Variants in RTN3 observed in about 807,000 individuals in gnomAD.
The protein encoded by RTN3 is reticulon-3.
A neutral mutation model predicts 77.8 loss-of-function variants in RTN3; 49 were observed. That is an observed-to-expected ratio of 0.63 (90% CI 0.50 to 0.80). The LOEUF is 0.80. Ranked by LOEUF, RTN3 falls within the 30% of genes least tolerant of loss-of-function variation. RTN3 has a pLI of 0.00. For missense variants in RTN3, 1,236 were observed against 1,211.9 expected (o/e 1.02, Z -0.29); for synonymous variants, 464 against 446.9 (o/e 1.04, Z -0.48).
rs993861628 is a variant in RTN3 at position 63,720,452 on chromosome 11, C to T, written c.1950C>T (p.Ser650=). 1 of 1,612,608 alleles carries T rather than the reference C, an allele frequency of 6.2e-7. No individual in the cohort carries two copies. The highest frequency in any genetic ancestry group is 8.5e-7 in the Non-Finnish European group (1 of 1,179,258). The change falls in exon 3 of 9, where the codon TCC becomes TCT. Residue 650 remains serine (S), a synonymous_variant. Transcript: ENST00000377819. ...ATGTTAAACATATAGATGATTCCTC[C>T]CCAGAGGACCTGATAGCAGCCTTTA... ...GKNVKHIDDS[S]PEDLIAAFTE...
At chr11:63,748,036 C>T (rs940917824) in intron 3 of RTN3, among the ~76,000 whole-genome samples, 1 of 151,792 alleles carries the variant, frequency 6.6e-6, no homozygotes, top group Non-Finnish European at 1.5e-5. Flanking sequence ...ATGGCAGCCA[C>T]GTGCAGAGGC....
chr11:63,728,625 C>T (rs1056875704), intron 3 of RTN3, among the ~76,000 whole-genome samples: 1 of 152,156 alleles, frequency 6.6e-6, no homozygotes, highest in Admixed American at 6.5e-5. Context: ...CGCGGTGGCT[C>T]ACGCCTGTAA....
At chr11:63,713,910 G>A in intron 2 of RTN3, 1 of 460,432 alleles carries the variant, frequency 2.2e-6, no homozygotes, top group South Asian at 1.6e-5. Context: ...GCTTTACAGT[G>A]TATAGTATTT....
intron 1 of RTN3, among the ~76,000 whole-genome samples, chr11:63,691,334 T>A (rs1172667441): frequency 6.6e-6 from 1 of 152,088 alleles, no homozygotes; most frequent in Non-Finnish European, 1.5e-5. Context: ...TTGGTCAGGC[T>A]GGTCTTGAAC....
chr11:63,733,553 T>G (rs1448580496), intron 3 of RTN3, among the ~76,000 whole-genome samples: 1 of 151,530 alleles, frequency 6.6e-6, no homozygotes, highest in Non-Finnish European at 1.5e-5. Context: ...AACTATGGCA[T>G]AAGTTCAGTT....
chr11:63,753,713 G>A lies in RTN3; in HGVS notation c.2994+5G>A, dbSNP rs763334362. ...ATTGTCTATGAGAAGTACAAGGTAAGCATTTATCTGTTCCAAATCAAATGT... is the reference window on the plus strand; with the variant it reads ...ATTGTCTATGAGAAGTACAAGGTAAACATTTATCTGTTCCAAATCAAATGT... On this transcript the variant is annotated splice_donor_5th_base_variant and intron_variant, in intron 7 of 8. Transcript: ENST00000377819. The A allele has an allele frequency of 1.2e-6, 2 of 1,612,448 alleles. No homozygotes were observed. The highest frequency in any genetic ancestry group is 1.7e-6 in the Non-Finnish European group (2 of 1,178,628).
At chr11:63,740,069 C>G (rs1272877470) in intron 3 of RTN3, among the ~76,000 whole-genome samples, 3 of 152,098 alleles carry the variant, frequency 2.0e-5, no homozygotes, top group Non-Finnish European at 4.4e-5. Flanking sequence ...TGATAACTCC[C>G]AAATCTATAC....
intron 1 of RTN3, among the ~76,000 whole-genome samples, chr11:63,690,336 T>C (rs1471776786): frequency 6.6e-6 from 1 of 152,228 alleles, no homozygotes; most frequent in Non-Finnish European, 1.5e-5. Context: ...TGTGTACTGC[T>C]TTATGATTTA....
chr11:63,752,777 G>C, intron 5 of RTN3, 132 bp downstream of exon 5: 1 of 946,646 alleles, frequency 1.1e-6, no homozygotes, highest in Non-Finnish European at 1.6e-6. Flanking sequence ...ATTCTATAAT[G>C]GGATAGGTGT....
rs1489676078 is a variant in RTN3 at position 63,759,045 on chromosome 11, A to G, written c.*844A>G. The G allele has an allele frequency of 1.3e-5, 2 of 152,202 alleles. No individual in the cohort carries two copies. Among genetic ancestry groups the G allele is most frequent in the African/African-American group, 4.8e-5 (2 of 41,450 alleles). The allele number at this position is 152,202 out of a possible 1,614,324, so 9.4% of individuals were successfully genotyped here. On this transcript the variant is annotated 3_prime_UTR_variant, in exon 9 of 9. Coordinates refer to ENST00000377819, the MANE Select transcript of RTN3 (RefSeq NM_001265589.2). The stretch of plus-strand genomic sequence containing the variant: ...TAAATAAGGTTGTACTTTTCTTACT[A>G]TAAAATAAATGTCTGTAACTGCTGT...
intron 1 of RTN3, among the ~76,000 whole-genome samples, chr11:63,693,484 C>T (rs1412202970): frequency 1.4e-5 from 2 of 144,236 alleles, no homozygotes; most frequent in African/African-American, 5.1e-5. Flanking sequence ...AACTCCATCT[C>T]AAAAAAAAAA....
At chr11:63,729,444 TTTTTTTTTTTTTTTTG>T (rs926553305) in intron 3 of RTN3, among the ~76,000 whole-genome samples, 13 of 122,728 alleles carry the variant, frequency 1.1e-4, no homozygotes, top group African/African-American at 4.2e-4. Flanking sequence ...TGCTTTTTTT[TTTTTTTTTTTTTTTTG>T]TTTGTTTGAG....
intron 1 of RTN3, among the ~76,000 whole-genome samples, chr11:63,697,542 A>G (rs1324827931): frequency 6.6e-6 from 1 of 151,772 alleles, no homozygotes; most frequent in African/African-American, 2.4e-5. Context: ...ATGGTGCGAT[A>G]CTGGCTCACT....
At chr11:63,701,738 G>A (rs1942247744) in intron 1 of RTN3, among the ~76,000 whole-genome samples, 1 of 152,108 alleles carries the variant, frequency 6.6e-6, no homozygotes, top group Non-Finnish European at 1.5e-5. Flanking sequence ...TTGAGCCCAG[G>A]AGTTCAAGAC....
chr11:63,696,924 G>A (rs1214821858), intron 1 of RTN3, among the ~76,000 whole-genome samples: 3 of 107,274 alleles, frequency 2.8e-5, no homozygotes, highest in East Asian at 3.2e-4. Flanking sequence ...TTGCTCTGTC[G>A]CCCAGGCTGG....
chr11:63,730,061 G>A (rs2012584206), intron 3 of RTN3, among the ~76,000 whole-genome samples: 1 of 152,074 alleles, frequency 6.6e-6, no homozygotes, highest in African/African-American at 2.4e-5. Context: ...CTGCCTTCCG[G>A]GTTCAAGGGA....
chr11:63,758,521 A>G lies in RTN3; in HGVS notation c.*320A>G. 1.7e-6 allele frequency: 1 copy of G among 604,392 alleles called. No individual in the cohort carries two copies. The highest frequency in any genetic ancestry group is 2.8e-6 in the Non-Finnish European group (1 of 357,062). The allele number at this position is 604,392 out of a possible 1,614,324, so 37.4% of individuals were successfully genotyped here. ...GATTGGAGGTAAGAGAGAAAATGAA[A>G]GAACACCTCTGGGTCCTTCTGTCCA... is the stretch of plus-strand genomic sequence containing the variant. On this transcript the variant is annotated 3_prime_UTR_variant, in exon 9 of 9. Coordinates refer to ENST00000377819, the MANE Select transcript of RTN3 (RefSeq NM_001265589.2).
At chr11:63,722,133 C>T (rs2011862732) in intron 3 of RTN3, among the ~76,000 whole-genome samples, 1 of 152,132 alleles carries the variant, frequency 6.6e-6, no homozygotes. Flanking sequence ...TCAAGCCCCT[C>T]TACAAGGGAC....
chr11:63,753,829 G>A (rs1287513949), intron 7 of RTN3, 121 bp downstream of exon 7: 2 of 863,336 alleles, frequency 2.3e-6, no homozygotes, highest in African/African-American at 1.6e-5. Flanking sequence ...ATCTAATTTT[G>A]TGAGTCAAGT....
Sources: allele counts gnomAD v4.1 joint callset (sites outside exome capture counted in the v4.1 genomes callset), GRCh38; gene constraint gnomAD v4.1.1; transcripts MANE v1.5; gene names NCBI Gene and HGNC (gene_info 2026-07-23, HGNC 2026-07-21).